The following ARHGAP31 variants were observed in gnomAD, a reference collection of about 807,000 sequenced individuals.
ARHGAP31 encodes the protein Rho GTPase activating protein 31, also known as rho GTPase-activating protein 31.
ARHGAP31 carries 34 observed loss-of-function variants against 113.9 expected under a neutral mutation model. The observed-to-expected ratio is 0.30, with a 90% CI of 0.23 to 0.40. ARHGAP31 has a LOEUF of 0.40. ARHGAP31 is among the 10% of genes least tolerant of loss of function. ARHGAP31 has a pLI of 1.00. For synonymous variants in ARHGAP31, 650 were observed against 684.8 expected (o/e 0.95, Z 0.79); for missense variants, 1,548 against 1,767.1 (o/e 0.88, Z 2.22).
chr3:119,368,481 C>G lies in ARHGAP31; in HGVS notation c.313C>G (p.Pro105Ala). The G allele has an allele frequency of 6.2e-7, 1 of 1,614,148 alleles. No individual in the cohort carries two copies. The highest frequency in any genetic ancestry group is 8.5e-7 in the Non-Finnish European group (1 of 1,180,014). Residue 105 changes from proline (P) to alanine (A), a missense_variant, in exon 3 of 12, where the codon CCC becomes GCC. Coordinates refer to ENST00000264245, the MANE Select transcript of ARHGAP31 (RefSeq NM_020754.4). Reference sequence around the variant, plus strand: ...GCTCTACTTTAGGGAGCTGCCCAACCCCCTCCTGACTTATGAGCTCTATGA... The same window carrying G: ...GCTCTACTTTAGGGAGCTGCCCAACGCCCTCCTGACTTATGAGCTCTATGA... ...CKLYFRELPN[P>A]LLTYELYEKF...
intron 1 of ARHGAP31, among the ~76,000 whole-genome samples, chr3:119,298,473 C>A (rs994865744): frequency 1.3e-5 from 2 of 152,076 alleles, no homozygotes; most frequent in African/African-American, 4.8e-5. Context: ...GCCAAGTGTT[C>A]TGGGTCTTCT....
chr3:119,338,853 C>T (rs928937091), intron 1 of ARHGAP31, among the ~76,000 whole-genome samples: 2 of 152,144 alleles, frequency 1.3e-5, no homozygotes, highest in African/African-American at 4.8e-5. Flanking sequence ...GCTAGGCCTG[C>T]CACTGTGTAT....
intron 9 of ARHGAP31, 98 bp downstream of exon 9, chr3:119,399,359 C>T (rs2080580105): frequency 9.8e-7 from 1 of 1,022,982 alleles, no homozygotes; most frequent in Non-Finnish European, 1.5e-6. Context: ...TCTATAGTCA[C>T]AGTCACACAC....
intron 1 of ARHGAP31, among the ~76,000 whole-genome samples, chr3:119,297,953 G>A (rs1348765262): frequency 6.8e-6 from 1 of 146,424 alleles, no homozygotes; most frequent in Non-Finnish European, 1.5e-5. Flanking sequence ...CACCGTGTAT[G>A]CAATTTCTGC....
chr3:119,294,877 G>A lies in ARHGAP31; in HGVS notation c.-28G>A, dbSNP rs2079519208. On this transcript the variant is annotated 5_prime_UTR_variant, in exon 1 of 12. Coordinates refer to ENST00000264245, the MANE Select transcript of ARHGAP31 (RefSeq NM_020754.4). The stretch of plus-strand genomic sequence containing the variant: ...TGCCAAGCAGAGGGGCGGCAGAGAC[G>A]GAGGGGCAGCCTCTTTGGGACTAAC... The A allele has an allele frequency of 1.9e-6, 3 of 1,606,080 alleles. No homozygotes were observed. The highest frequency in any genetic ancestry group is 1.1e-5 in the South Asian group (1 of 90,894).
chr3:119,376,038 A>C (rs1351578790), intron 3 of ARHGAP31, among the ~76,000 whole-genome samples: 1 of 152,150 alleles, frequency 6.6e-6, no homozygotes. Context: ...TTGACGCGTC[A>C]GTCTCCCTTG....
chr3:119,329,939 G>T, intron 1 of ARHGAP31: 2 of 985,464 alleles, frequency 2.0e-6, no homozygotes, highest in Middle Eastern at 5.2e-4. Flanking sequence ...AAACAAAGAC[G>T]CTGAAGAAGT....
chr3:119,361,235 G>C (rs2080203557), intron 1 of ARHGAP31, among the ~76,000 whole-genome samples: 1 of 152,186 alleles, frequency 6.6e-6, no homozygotes, highest in Non-Finnish European at 1.5e-5. Flanking sequence ...GAATTTGTTA[G>C]AAAGGCAAAT....
chr3:119,414,955 A>C lies in ARHGAP31; in HGVS notation c.3026A>C (p.Glu1009Ala). 6.2e-7 allele frequency: 1 copy of C among 1,614,196 alleles called. No homozygotes were observed. The highest frequency in any genetic ancestry group is 1.1e-5 in the South Asian group (1 of 91,082). Residue 1009 changes from glutamate to alanine, a missense_variant, in exon 12 of 12, where the codon GAG (glutamate) becomes GCG (alanine). Coordinates refer to ENST00000264245, the MANE Select transcript of ARHGAP31 (RefSeq NM_020754.4). ...WDEKALRSFR[E>A]FSGLKGAEAP... Reference sequence around the variant, plus strand: ...GAGAAAGCCCTGAGGTCCTTCAGAGAGTTCTCTGGCCTGAAAGGGGCAGAG... The same window carrying C: ...GAGAAAGCCCTGAGGTCCTTCAGAGCGTTCTCTGGCCTGAAAGGGGCAGAG...
chr3:119,319,802 G>T (rs1354566849), intron 1 of ARHGAP31, among the ~76,000 whole-genome samples: 1 of 152,168 alleles, frequency 6.6e-6, no homozygotes, highest in Non-Finnish European at 1.5e-5. Context: ...GTGAATCCAC[G>T]AATGTCCAGT....
rs1039502052 is a variant in ARHGAP31, at chr3:119,418,021, CCTCT to C, written c.*1766_*1769del. On this transcript the variant is annotated 3_prime_UTR_variant, in exon 12 of 12. Coordinates refer to ENST00000264245, the MANE Select transcript of ARHGAP31 (RefSeq NM_020754.4). ...TGATGCCCTGCAACAGATATATATT[CCTCT>C]CTCTCTCTGTCTCTCTATCTCTCTC... 6.6e-6 allele frequency: 1 copy of C among 151,730 alleles called. No homozygotes were observed. The highest frequency in any genetic ancestry group is 2.4e-5 in the African/African-American group (1 of 41,312). 9.4% of individuals were successfully genotyped at this position (151,730 alleles called of 1,614,324 possible).
chr3:119,337,803 G>A (rs2079972128), intron 1 of ARHGAP31, among the ~76,000 whole-genome samples: 4 of 152,050 alleles, frequency 2.6e-5, no homozygotes, highest in Admixed American at 6.6e-5. Context: ...GCACTGATTG[G>A]TGTGTTTACA....
At chr3:119,325,395 T>C (rs2107604535) in intron 1 of ARHGAP31, among the ~76,000 whole-genome samples, 1 of 152,356 alleles carries the variant, frequency 6.6e-6, no homozygotes, top group East Asian at 1.9e-4. Context: ...CTCTACAGGC[T>C]GATTTCAGAG....
At chr3:119,385,445 A>G (rs1412341286) in intron 6 of ARHGAP31, among the ~76,000 whole-genome samples, 2 of 152,064 alleles carry the variant, frequency 1.3e-5, no homozygotes, top group South Asian at 4.2e-4. Context: ...TACGTTTTCA[A>G]TTCTCTTTAT....
chr3:119,384,146 T>G (rs990875405), intron 6 of ARHGAP31, among the ~76,000 whole-genome samples: 4 of 152,194 alleles, frequency 2.6e-5, no homozygotes, highest in Non-Finnish European at 1.5e-5. Context: ...TCCAATATTT[T>G]GGAAAAAACA....
chr3:119,404,207 A>G (rs1478508745), intron 10 of ARHGAP31, among the ~76,000 whole-genome samples: 1 of 152,152 alleles, frequency 6.6e-6, no homozygotes, highest in Non-Finnish European at 1.5e-5. Flanking sequence ...GAGATTTGTT[A>G]TCCTCTCTGG....
chr3:119,379,321 C>T (rs1405468865), intron 3 of ARHGAP31, among the ~76,000 whole-genome samples: 1 of 152,046 alleles, frequency 6.6e-6, no homozygotes, highest in East Asian at 1.9e-4. Context: ...ATTGGGAGGC[C>T]CAGGCTGGAG....
Position 119,418,714 on chromosome 3 carries a change from C to A in ARHGAP31, c.*2450C>A, listed in dbSNP as rs908301609. The A allele has an allele frequency of 6.6e-6, 1 of 152,186 alleles. No individual in the cohort carries two copies. The highest frequency in any genetic ancestry group is 2.4e-5 in the African/African-American group (1 of 41,424). The allele number at this position is 152,186 out of a possible 1,614,324, so 9.4% of individuals were successfully genotyped here. On this transcript the variant is annotated 3_prime_UTR_variant, in exon 12 of 12. Transcript: ENST00000264245. ...GGTTGCAAGATCTTTTAGACTCTGA[C>A]ATTTATAGCATCACCTTCAGGAACA...
chr3:119,295,714 T>C (rs2079529082), intron 1 of ARHGAP31, among the ~76,000 whole-genome samples: 1 of 148,804 alleles, frequency 6.7e-6, no homozygotes, highest in Non-Finnish European at 1.5e-5. Flanking sequence ...TTAGGGTAAG[T>C]AGAGAAAAGG....
Sources: allele counts gnomAD v4.1 joint callset (sites outside exome capture counted in the v4.1 genomes callset), GRCh38; gene constraint gnomAD v4.1.1; transcripts MANE v1.5; gene names NCBI Gene and HGNC (gene_info 2026-07-23, HGNC 2026-07-21).